Variants in WWOX observed in about 807,000 individuals in gnomAD.
The protein encoded by WWOX is WW domain-containing oxidoreductase.
In WWOX, 69 loss-of-function variants were observed where a neutral mutation model predicts 46.2. That is an observed-to-expected ratio of 1.49 (90% confidence interval 1.23 to 1.82). The LOEUF (loss-of-function observed/expected upper bound fraction) is 1.82. WWOX is among the 40% of genes most tolerant of loss of function. WWOX has a pLI of 0.00. For missense variants in WWOX, 919 were observed against 542.6 expected, an observed-to-expected ratio of 1.69 and a Z score of -6.89; for synonymous variants, 359 against 202.6, an observed-to-expected ratio of 1.77 and a Z score of -6.56.
At chr16:78,472,809 CAAAAAAAAAAA>C (rs756666392) in intron 8 of WWOX, among the ~76,000 whole-genome samples, 1 of 50,900 alleles carries the variant, frequency 2.0e-5, no homozygotes, top group Non-Finnish European at 5.7e-5. Context: ...AACTCCATCT[CAAAAAAAAAAA>C]AAAAAAAAAA....
intron 8 of WWOX, among the ~76,000 whole-genome samples, chr16:78,594,807 T>C (rs754550677): frequency 3.3e-5 from 5 of 152,200 alleles, no homozygotes; most frequent in Non-Finnish European, 5.9e-5. Context: ...CCTCAGTCTC[T>C]CGGGATGTAA....
chr16:79,021,220 C>T (rs1021433748), intron 8 of WWOX, among the ~76,000 whole-genome samples: 1 of 152,160 alleles, frequency 6.6e-6, no homozygotes, highest in African/African-American at 2.4e-5. Flanking sequence ...AATAGTTTTT[C>T]AGTCACTTTG....
rs142670343 is a variant in WWOX at position 78,496,998 on chromosome 16, G to C, written c.1056+64246G>C. Among the ~76,000 whole-genome samples the C allele has an allele frequency of 6.9e-3, 1,053 of 152,340 alleles. 12 individuals are homozygous for C. Among genetic ancestry groups the C allele is most frequent in the African/African-American group, 0.021 (876 of 41,582 alleles). ...GGAGTTAACTATGGCAAAGATGTTA[G>C]TAATGGGAAACTTTGGAGGAAGGCA... On this transcript the variant is annotated intron_variant, in intron 8 of 8. Transcript: ENST00000566780.
intron 5 of WWOX, among the ~76,000 whole-genome samples, chr16:78,252,507 A>G (rs1366983043): frequency 1.3e-5 from 2 of 152,252 alleles, no homozygotes; most frequent in Non-Finnish European, 2.9e-5. Context: ...CTTGCCTTCC[A>G]AACAAGTACA....
intron 8 of WWOX, among the ~76,000 whole-genome samples, chr16:78,784,861 T>C (rs2050416277): frequency 6.6e-6 from 1 of 152,102 alleles, no homozygotes; most frequent in Non-Finnish European, 1.5e-5. Context: ...GTCTATGTGT[T>C]CTCCTTGGTG....
intron 8 of WWOX, among the ~76,000 whole-genome samples, chr16:78,709,503 C>T (rs2048393801): frequency 1.3e-5 from 2 of 152,150 alleles, no homozygotes; most frequent in Admixed American, 1.3e-4. Context: ...GACACAGGCC[C>T]TCTCAATCTG....
chr16:78,746,452 C>T (rs1033605199), intron 8 of WWOX, among the ~76,000 whole-genome samples: 1 of 152,126 alleles, frequency 6.6e-6, no homozygotes, highest in Non-Finnish European at 1.5e-5. Flanking sequence ...GAGCCATGAT[C>T]ATGCCACTAC....
At chr16:79,150,649 AT>A (rs1244313740) in intron 8 of WWOX, among the ~76,000 whole-genome samples, 1 of 152,192 alleles carries the variant, frequency 6.6e-6, no homozygotes, top group Non-Finnish European at 1.5e-5. Context: ...ATATTTTTAA[AT>A]ATTAAATCAT....
chr16:78,989,529 T>C (rs1046003910), intron 8 of WWOX, among the ~76,000 whole-genome samples: 6 of 152,072 alleles, frequency 3.9e-5, no homozygotes, highest in African/African-American at 7.2e-5. Context: ...GGGCCAGCAG[T>C]GGACTCCTGT....
Position 78,193,378 on chromosome 16 carries a change from A to T in WWOX, c.516+29089A>T, listed in dbSNP as rs1426945007. On this transcript the variant is annotated intron_variant, in intron 5 of 8. Coordinates refer to ENST00000566780, the MANE Select transcript of WWOX (RefSeq NM_016373.4). ...TATCTCAAGCTCCCAGAAGTAGCTAAAACCACGAACATACATGTTGAAAAT... is the reference window on the plus strand; with the variant it reads ...TATCTCAAGCTCCCAGAAGTAGCTATAACCACGAACATACATGTTGAAAAT... Among the ~76,000 whole-genome samples the T allele has an allele frequency of 2.6e-5, 4 of 152,374 alleles. No individual in the cohort carries two copies. The East Asian group carries it at 5.8e-4, about 22-fold the overall frequency.
intron 7 of WWOX, among the ~76,000 whole-genome samples, chr16:78,426,911 C>G (rs566453722): frequency 3.9e-5 from 6 of 152,224 alleles, no homozygotes; most frequent in African/African-American, 1.2e-4. Context: ...ATCCGCCTGC[C>G]TTGGCTTCTC....
intron 8 of WWOX, among the ~76,000 whole-genome samples, chr16:78,442,291 C>A (rs947891240): frequency 6.6e-6 from 1 of 152,072 alleles, no homozygotes; most frequent in East Asian, 1.9e-4. Context: ...CATTGAAAGT[C>A]TAGTCTCAGC....
At chr16:79,207,224 C>T (rs970889959) in intron 8 of WWOX, among the ~76,000 whole-genome samples, 2 of 152,230 alleles carry the variant, frequency 1.3e-5, no homozygotes, top group Admixed American at 6.5e-5. Flanking sequence ...GGTGTATTCA[C>T]AGAGTCAATG....
intron 8 of WWOX, among the ~76,000 whole-genome samples, chr16:78,714,091 T>C (rs751006649): frequency 8.5e-5 from 13 of 152,188 alleles, no homozygotes; most frequent in Non-Finnish European, 1.9e-4. Context: ...CAAAGCTCTC[T>C]TGTGAAGCCC....
chr16:78,900,895 C>T (rs543627734), intron 8 of WWOX, among the ~76,000 whole-genome samples: 10 of 150,286 alleles, frequency 6.7e-5, no homozygotes, highest in Non-Finnish European at 8.9e-5. Context: ...GAGATGGCTA[C>T]AATACAGATT....
At chr16:78,999,840 C>G (rs2047059932) in intron 8 of WWOX, among the ~76,000 whole-genome samples, 1 of 152,016 alleles carries the variant, frequency 6.6e-6, no homozygotes, top group Non-Finnish European at 1.5e-5. Context: ...GAAATTGGCA[C>G]TTGTACCCTT....
rs1445994976 is a variant in WWOX at position 78,681,659 on chromosome 16, A to C, written c.1056+248907A>C. ...GAGTTCCTGCTCCTGATCTCAGGGGAATCCTGAATTACAGGTGTTAACCTG... is the reference window on the plus strand; with the variant it reads ...GAGTTCCTGCTCCTGATCTCAGGGGCATCCTGAATTACAGGTGTTAACCTG... On this transcript the variant is annotated intron_variant, in intron 8 of 8. Coordinates refer to ENST00000566780, the MANE Select transcript of WWOX (RefSeq NM_016373.4). Among the ~76,000 whole-genome samples the C allele has an allele frequency of 3.3e-5, 5 of 152,204 alleles. No individual in the cohort carries two copies. In the South Asian group the frequency reaches 1.0e-3, roughly 32 times the overall value.
intron 8 of WWOX, among the ~76,000 whole-genome samples, chr16:78,682,554 G>A (rs958228478): frequency 1.3e-5 from 2 of 152,116 alleles, no homozygotes; most frequent in Non-Finnish European, 2.9e-5. Flanking sequence ...TGGCACTCCA[G>A]CCTGGGTGAT....
chr16:78,615,662 A>G (rs1402837096), intron 8 of WWOX, among the ~76,000 whole-genome samples: 2 of 151,614 alleles, frequency 1.3e-5, no homozygotes, highest in African/African-American at 2.4e-5. Context: ...TTTCCAAAAA[A>G]TAAATGAAAT....
Sources: gnomAD v4.1 joint callset for allele counts (sites outside exome capture counted in the v4.1 genomes callset) on GRCh38, gnomAD v4.1.1 for gene constraint, MANE v1.5 for transcripts, NCBI Gene and HGNC (gene_info 2026-07-23, HGNC 2026-07-21) for gene names.